SH3RF3: variants seen among roughly 807,000 people sequenced by gnomAD.
SH3RF3 encodes the protein E3 ubiquitin-protein ligase SH3RF3.
A neutral mutation model predicts 66.3 loss-of-function variants in SH3RF3; 29 were observed. The ratio of observed to expected loss-of-function variants is 0.44; its 90% CI spans 0.33 to 0.60. SH3RF3 has a LOEUF of 0.60. Among genes scored for constraint, SH3RF3 ranks in the 20% least tolerant of loss-of-function variants. The pLI is 0.04. For missense variants in SH3RF3, 1,194 were observed against 1,190.9 expected, an observed-to-expected ratio of 1.00 and a Z score of -0.04; for synonymous variants, 583 against 532.0, an observed-to-expected ratio of 1.10 and a Z score of -1.32.
chr2:109,362,052 CTA>C (rs1207572397), intron 2 of SH3RF3, among the ~76,000 whole-genome samples: 1 of 151,632 alleles, frequency 6.6e-6, no homozygotes, highest in Non-Finnish European at 1.5e-5. Context: ...TGATTTTTCT[CTA>C]TTGTTTTCAA....
rs186480375 is a variant in SH3RF3 at position 109,259,310 on chromosome 2, G to C, written c.574-88364G>C. ...ACTGGCTCTGAGTGTGCAGAGGCCT[G>C]GCTCTGACAGTTGAGCCTACCTGAA... is the stretch of plus-strand genomic sequence containing the variant. On this transcript the variant is annotated intron_variant, in intron 1 of 9. Transcript: ENST00000309415. 8.7e-3 allele frequency among the ~76,000 whole-genome samples: 1,320 copies of C among 152,284 alleles called. 6 individuals are homozygous for C. The highest frequency in any genetic ancestry group is 0.015 in the Non-Finnish European group (988 of 68,004).
intron 1 of SH3RF3, among the ~76,000 whole-genome samples, chr2:109,235,221 A>T (rs1361304101): frequency 6.6e-6 from 1 of 152,206 alleles, no homozygotes; most frequent in Admixed American, 6.5e-5. Context: ...GACAGCGAGC[A>T]TGTAAAATAG....
intron 1 of SH3RF3, among the ~76,000 whole-genome samples, chr2:109,332,452 C>T (rs1412264964): frequency 6.6e-6 from 1 of 152,188 alleles, no homozygotes; most frequent in Non-Finnish European, 1.5e-5. Context: ...GGGCTTGGGG[C>T]TGAGTGCAGC....
chr2:109,290,565 G>C (rs1574553362), intron 1 of SH3RF3, among the ~76,000 whole-genome samples: 1 of 152,110 alleles, frequency 6.6e-6, no homozygotes, highest in East Asian at 1.9e-4. Context: ...CCTTTGGCCC[G>C]CCCAATGCCT....
At position 109,194,670 on chromosome 2, in the gene SH3RF3, A is replaced by C. The variant is rs75324768; in HGVS notation, c.573+64557A>C. ...AAGAGATGGGTTTGGTGATCAGCAG[A>C]GCTTAGGTTTCATCAGGGCAGGTGC... On this transcript the variant is annotated intron_variant, in intron 1 of 9. Transcript: ENST00000309415. Among the ~76,000 whole-genome samples, 1,296 of 152,268 alleles carry C rather than the reference A, an allele frequency of 8.5e-3. 28 individuals carry two copies. Among genetic ancestry groups the C allele is most frequent in the African/African-American group, 0.03 (1,227 of 41,542 alleles).
At chr2:109,166,146 A>G (rs750868543) in intron 1 of SH3RF3, among the ~76,000 whole-genome samples, 18 of 152,176 alleles carry the variant, frequency 1.2e-4, no homozygotes, top group Non-Finnish European at 2.6e-4. Flanking sequence ...CAGACTTCTT[A>G]ATATGGTTGG....
chr2:109,448,339 GC>G (rs1381767617), intron 7 of SH3RF3, among the ~76,000 whole-genome samples: 1 of 152,176 alleles, frequency 6.6e-6, no homozygotes, highest in African/African-American at 2.4e-5. Flanking sequence ...GGAGTCCCCA[GC>G]CTCCAAGCCA....
At chr2:109,225,543 G>GAGTAA (rs1165397545) in intron 1 of SH3RF3, among the ~76,000 whole-genome samples, 1 of 152,230 alleles carries the variant, frequency 6.6e-6, no homozygotes, top group East Asian at 1.9e-4. Flanking sequence ...TTTCTCCTGA[G>GAGTAA]AGTTAGGCCA....
intron 1 of SH3RF3, among the ~76,000 whole-genome samples, chr2:109,309,687 G>A (rs553261076): frequency 7.8e-6 from 1 of 128,128 alleles, no homozygotes; most frequent in South Asian, 2.4e-4. Context: ...ACAAAAAAAG[G>A]CAGGGAGTCT....
At chr2:109,400,640 G>A (rs1285847475) in intron 4 of SH3RF3, among the ~76,000 whole-genome samples, 1 of 151,834 alleles carries the variant, frequency 6.6e-6, no homozygotes, top group Non-Finnish European at 1.5e-5. Flanking sequence ...ACATACACCC[G>A]TGCACACATG....
intron 1 of SH3RF3, among the ~76,000 whole-genome samples, chr2:109,199,834 G>C (rs926603587): frequency 3.3e-5 from 2 of 60,048 alleles, no homozygotes; most frequent in African/African-American, 4.7e-5. Context: ...GAATGGAATG[G>C]AATGGAATGG....
chr2:109,249,583 CCTTTCCTTT>C (rs1680030707), intron 1 of SH3RF3, among the ~76,000 whole-genome samples: 1 of 84,402 alleles, frequency 1.2e-5, no homozygotes, highest in Admixed American at 1.3e-4. Flanking sequence ...TTCCTTCCTT[CCTTTCCTTT>C]CTTTCTTTTT....
At chr2:109,402,271 C>T (rs556058251) in intron 4 of SH3RF3, among the ~76,000 whole-genome samples, 2 of 152,360 alleles carry the variant, frequency 1.3e-5, no homozygotes, top group East Asian at 1.9e-4. Context: ...CCATGGCAGC[C>T]AAGGCGAGCC....
intron 5 of SH3RF3, among the ~76,000 whole-genome samples, chr2:109,430,155 AAGG>A (rs895822968): frequency 4.6e-5 from 7 of 152,126 alleles, no homozygotes; most frequent in African/African-American, 1.7e-4. Flanking sequence ...AACCAACTAA[AAGG>A]AGCTGTTGGT....
rs540457508 is a variant in SH3RF3 at position 109,187,845 on chromosome 2, C to T, written c.573+57732C>T. Among the ~76,000 whole-genome samples, 12 of 152,340 alleles carry T rather than the reference C, an allele frequency of 7.9e-5. No homozygotes were observed. In the East Asian group the frequency reaches 2.1e-3, roughly 27 times the overall value. The stretch of plus-strand genomic sequence containing the variant: ...ATTGTGACCAGGACCCCATTCTCAG[C>T]TTATCAGCACGGACTGGGTGCTCTC... On this transcript the variant is annotated intron_variant, in intron 1 of 9. Coordinates refer to ENST00000309415, the MANE Select transcript of SH3RF3 (RefSeq NM_001099289.3).
intron 1 of SH3RF3, among the ~76,000 whole-genome samples, chr2:109,343,687 G>GC (rs1682611444): frequency 6.6e-6 from 1 of 151,734 alleles, no homozygotes; most frequent in South Asian, 2.1e-4. Flanking sequence ...TGGAGAGGTG[G>GC]CCAGGCGTAC....
intron 8 of SH3RF3, among the ~76,000 whole-genome samples, chr2:109,483,821 C>T (rs561002208): frequency 1.3e-5 from 2 of 152,278 alleles, no homozygotes; most frequent in East Asian, 3.9e-4. Flanking sequence ...CCTGTAAACT[C>T]CTCCTGTGAC....
chr2:109,480,651 C>T (rs1399469843), intron 8 of SH3RF3, among the ~76,000 whole-genome samples: 1 of 152,050 alleles, frequency 6.6e-6, no homozygotes, highest in Non-Finnish European at 1.5e-5. Context: ...AGGATGGAGA[C>T]GAACAATGCT....
intron 1 of SH3RF3, among the ~76,000 whole-genome samples, chr2:109,195,253 T>A (rs1678467935): frequency 6.6e-6 from 1 of 152,110 alleles, no homozygotes; most frequent in Non-Finnish European, 1.5e-5. Context: ...AGGACTGCAG[T>A]CCATGGGAAC....
Sources: allele counts gnomAD v4.1 joint callset (sites outside exome capture counted in the v4.1 genomes callset), GRCh38; gene constraint gnomAD v4.1.1; transcripts MANE v1.5; gene names NCBI Gene and HGNC (gene_info 2026-07-23, HGNC 2026-07-21).